The following SDK1 variants were observed in gnomAD, a reference collection of about 807,000 sequenced individuals.
SDK1 encodes sidekick cell adhesion molecule 1, also known as protein sidekick-1.
Under a neutral mutation model 245.5 loss-of-function variants are expected in SDK1, and 157 were observed. The ratio of observed to expected loss-of-function variants is 0.64; its 90% CI spans 0.56 to 0.73. The LOEUF (loss-of-function observed/expected upper bound fraction) is 0.73. SDK1 is among the 30% of genes least tolerant of loss of function. The pLI is 0.00. For synonymous variants in SDK1, 1,647 were observed against 1,278.5 expected, an observed-to-expected ratio of 1.29 and a Z score of -6.15; for missense variants, 3,583 against 3,002.3, an observed-to-expected ratio of 1.19 and a Z score of -4.52.
intron 2 of SDK1, among the ~76,000 whole-genome samples, chr7:3,632,207 C>T (rs1016841942): frequency 6.6e-6 from 1 of 152,182 alleles, no homozygotes; most frequent in African/African-American, 2.4e-5. Context: ...ACAGACGGTT[C>T]TAGTCATCTG....
At chr7:3,619,010 T>C in intron 1 of SDK1, 70 bp from the exon 2 acceptor site, 1 of 1,227,246 alleles carries the variant, frequency 8.1e-7, no homozygotes, top group East Asian at 2.6e-5. Flanking sequence ...ATAATAGATT[T>C]ATTAAATTAG....
At chr7:3,419,012 G>A (rs139646096) in intron 1 of SDK1, among the ~76,000 whole-genome samples, 82 of 152,284 alleles carry the variant, frequency 5.4e-4, no homozygotes, top group African/African-American at 1.8e-3. Flanking sequence ...ATCAAAAGTC[G>A]TAACTCCTTT....
chr7:3,765,781 A>T lies in SDK1; in HGVS notation c.714-55669A>T, dbSNP rs750223186. The stretch of plus-strand genomic sequence containing the variant: ...TTAGGGCATTATATTGATTTTTTTT[A>T]AAAATTCTATGTAAAAGGCTGGCTG... On this transcript the variant is annotated intron_variant, in intron 4 of 44. Transcript: ENST00000404826. Among the ~76,000 whole-genome samples, 8 of 152,092 alleles carry T rather than the reference A, an allele frequency of 5.3e-5. No homozygotes were observed. The East Asian group carries it at 5.8e-4, about 11-fold the overall frequency.
intron 4 of SDK1, among the ~76,000 whole-genome samples, chr7:3,696,619 G>T (rs185608270): frequency 2.6e-4 from 39 of 150,242 alleles, no homozygotes; most frequent in African/African-American, 8.2e-4. Flanking sequence ...TACATTTAAG[G>T]TTACTCAAAA....
At chr7:3,641,391 G>C (rs1256409542) in intron 3 of SDK1, among the ~76,000 whole-genome samples, 4 of 151,990 alleles carry the variant, frequency 2.6e-5, no homozygotes, top group Admixed American at 1.3e-4. Flanking sequence ...ACAAATACTG[G>C]AACAAAAGCT....
intron 1 of SDK1, among the ~76,000 whole-genome samples, chr7:3,566,904 G>A (rs1354427285): frequency 2.6e-5 from 4 of 152,088 alleles, no homozygotes; most frequent in Admixed American, 1.3e-4. Flanking sequence ...GCAAGAGTTG[G>A]CTGAGGATGG....
Position 3,474,507 on chromosome 7 carries a change from T to C in SDK1, c.299-144573T>C, listed in dbSNP as rs534917805. Among the ~76,000 whole-genome samples, 63 of 152,240 alleles carry C rather than the reference T, an allele frequency of 4.1e-4. 1 individual carries two copies. The highest frequency in any genetic ancestry group is 8.7e-4 in the Non-Finnish European group (59 of 68,008). On this transcript the variant is annotated intron_variant, in intron 1 of 44. Coordinates refer to ENST00000404826, the MANE Select transcript of SDK1 (RefSeq NM_152744.4). ...CCTTGGCCTACCCTTGACATGTTCA[T>C]TGTTCTTTAATTCCTTTAACAGTCT...
intron 17 of SDK1, among the ~76,000 whole-genome samples, chr7:4,021,679 C>A (rs979890307): frequency 6.6e-6 from 1 of 152,176 alleles, no homozygotes; most frequent in African/African-American, 2.4e-5. Context: ...GCCTTGGGAA[C>A]GAGTATGCCC....
chr7:3,499,334 A>G (rs939070996), intron 1 of SDK1, among the ~76,000 whole-genome samples: 3 of 152,124 alleles, frequency 2.0e-5, no homozygotes, highest in Admixed American at 1.3e-4. Flanking sequence ...TTAACTGACC[A>G]TTCCTTAATG....
intron 12 of SDK1, 29 bp from the exon 13 acceptor site, chr7:3,974,340 T>A (rs1782729203): frequency 6.3e-7 from 1 of 1,590,428 alleles, no homozygotes; most frequent in Non-Finnish European, 8.6e-7. Flanking sequence ...GTGGGGTTTG[T>A]AACTCAAGAC....
chr7:3,595,508 A>G (rs1017412533), intron 1 of SDK1, among the ~76,000 whole-genome samples: 3 of 152,134 alleles, frequency 2.0e-5, no homozygotes, highest in South Asian at 2.1e-4. Context: ...TGCCTCCGAT[A>G]TATTTAATAA....
At chr7:3,877,515 C>T (rs1781104369) in intron 5 of SDK1, among the ~76,000 whole-genome samples, 1 of 152,152 alleles carries the variant, frequency 6.6e-6, no homozygotes, top group South Asian at 2.1e-4. Flanking sequence ...GAGATATGAA[C>T]TGTATCTAGT....
At chr7:4,253,401 A>G (rs537103007) in intron 44 of SDK1, among the ~76,000 whole-genome samples, 37 of 152,256 alleles carry the variant, frequency 2.4e-4, no homozygotes, top group African/African-American at 5.5e-4. Flanking sequence ...TTCGTTATTT[A>G]GGAGTGTGTT....
intron 25 of SDK1, among the ~76,000 whole-genome samples, chr7:4,115,838 C>G (rs1783670596): frequency 6.6e-6 from 1 of 152,196 alleles, no homozygotes; most frequent in Non-Finnish European, 1.5e-5. Context: ...TTGCTAGATG[C>G]TGGAAACTGC....
intron 5 of SDK1, among the ~76,000 whole-genome samples, chr7:3,856,992 G>A (rs994859810): frequency 6.6e-6 from 1 of 152,046 alleles, no homozygotes; most frequent in African/African-American, 2.4e-5. Context: ...GAAATTACAA[G>A]GCATAATCAG....
chr7:3,743,466 A>G (rs1210159026), intron 4 of SDK1, among the ~76,000 whole-genome samples: 1 of 152,046 alleles, frequency 6.6e-6, no homozygotes, highest in Non-Finnish European at 1.5e-5. Context: ...TGGACCTTTT[A>G]CTTTAATTGT....
At chr7:4,120,370 G>A (rs564078272) in intron 25 of SDK1, among the ~76,000 whole-genome samples, 1 of 148,656 alleles carries the variant, frequency 6.7e-6, no homozygotes, top group South Asian at 2.2e-4. Context: ...AAAAACAATT[G>A]GAGTGAAAGG....
At chr7:3,433,950 A>G (rs6969711) in intron 1 of SDK1, among the ~76,000 whole-genome samples, 18,304 of 152,188 alleles carry the variant, frequency 0.12, 1,577 homozygotes, top group African/African-American at 0.24. Flanking sequence ...TTGTTAGGAT[A>G]CTTTGCGCAT....
rs111475423 is a variant in SDK1, at chr7:3,321,238, G to A, written c.298+19354G>A. Among the ~76,000 whole-genome samples the A allele has an allele frequency of 8.9e-3, 1,352 of 152,216 alleles. 23 individuals carry two copies. Among genetic ancestry groups the A allele is most frequent in the African/African-American group, 0.031 (1,271 of 41,542 alleles). ...TTCTTTTGACAGATTCCTTAGAAACGTCAAAATCAAAGTGAAAACAAGTTG... is the reference window on the plus strand; with the variant it reads ...TTCTTTTGACAGATTCCTTAGAAACATCAAAATCAAAGTGAAAACAAGTTG... On this transcript the variant is annotated intron_variant, in intron 1 of 44. Coordinates refer to ENST00000404826, the MANE Select transcript of SDK1 (RefSeq NM_152744.4).
Sources: allele counts gnomAD v4.1 joint callset (sites outside exome capture counted in the v4.1 genomes callset), GRCh38; gene constraint gnomAD v4.1.1; transcripts MANE v1.5; gene names NCBI Gene and HGNC (gene_info 2026-07-23, HGNC 2026-07-21).